Variants in KLHL28 observed in about 807,000 individuals in gnomAD.
The protein encoded by KLHL28 is kelch like family member 28, also known as kelch-like protein 28.
In KLHL28, 22 loss-of-function variants were observed where a neutral mutation model predicts 48.3. That is an observed-to-expected ratio of 0.46 (90% CI 0.33 to 0.65). The LOEUF is 0.65. Ranked by LOEUF, KLHL28 falls within the 30% of genes least tolerant of loss-of-function variation. The probability of loss-of-function intolerance (pLI) is 0.03; values close to 1 mark genes in which losing one functional copy is unlikely to be tolerated. For synonymous variants in KLHL28, 243 were observed against 242.4 expected, an observed-to-expected ratio of 1.00 and a Z score of -0.02; for missense variants, 527 against 704.3, an observed-to-expected ratio of 0.75 and a Z score of 2.85.
At chr14:44,929,765 G>A (rs1199374035) in intron 4 of KLHL28, among the ~76,000 whole-genome samples, 2 of 152,154 alleles carry the variant, frequency 1.3e-5, no homozygotes, top group Non-Finnish European at 2.9e-5. Flanking sequence ...GGTGAGCTAT[G>A]ACTGTTCCAC....
chr14:44,957,252 A>T (rs537798300), intron 1 of KLHL28, among the ~76,000 whole-genome samples: 35 of 152,362 alleles, frequency 2.3e-4, no homozygotes, highest in African/African-American at 7.9e-4. Flanking sequence ...GTGATAGGTA[A>T]ATAGATGTTC....
Position 44,945,409 on chromosome 14 carries a change from A to T in KLHL28, c.520T>A (p.Phe174Ile). 1 of 1,614,180 alleles carries T rather than the reference A, an allele frequency of 6.2e-7. No homozygotes were observed. The highest frequency in any genetic ancestry group is 8.5e-7 in the Non-Finnish European group (1 of 1,180,024). Residue 174 changes from phenylalanine to isoleucine, a missense_variant, in exon 2 of 5, where the codon TTT becomes ATT. By Grantham distance (21) the Phe-to-Ile change is conservative. Transcript: ENST00000396128. ...TCCAAGTCAGCATGTGTAAGCTCAA[A>T]AAACTCTTCAGTCTGGCAAACAGCT... ...FEAVCQTEEF[F>I]ELTHADLDEI...
chr14:44,957,191 T>C (rs1884827793), intron 1 of KLHL28, among the ~76,000 whole-genome samples: 1 of 152,046 alleles, frequency 6.6e-6, no homozygotes, highest in South Asian at 2.1e-4. Flanking sequence ...GGGGATGAGG[T>C]TGTGGAAGGG....
Position 44,945,202 on chromosome 14 carries a change from G to C in KLHL28, c.727C>G (p.Leu243Val), listed in dbSNP as rs1371705897. ...TTACAAGTGCGATCATCACGAATAAGATGATTTGCTTCATATAGTCTAGTG... is the reference window on the plus strand; with the variant it reads ...TTACAAGTGCGATCATCACGAATAACATGATTTGCTTCATATAGTCTAGTG... ...FLTRLYEANH[L>V]IRDDRTCKHL... Residue 243 changes from leucine to valine, a missense_variant, in exon 2 of 5, where the codon CTT becomes GTT. Leu to Val is a conservative substitution (Grantham distance 32). Coordinates refer to ENST00000396128, the MANE Select transcript of KLHL28 (RefSeq NM_017658.5). 1.2e-6 allele frequency: 2 copies of C among 1,614,144 alleles called. No homozygotes were observed. Among genetic ancestry groups the C allele is most frequent in the Non-Finnish European group, 1.7e-6 (2 of 1,180,018 alleles).
chr14:44,941,513 A>G (rs1884083395), intron 2 of KLHL28, among the ~76,000 whole-genome samples: 2 of 151,850 alleles, frequency 1.3e-5, no homozygotes, highest in Non-Finnish European at 1.5e-5. Context: ...CTGTAATCCC[A>G]GCTACTCGGG....
intron 1 of KLHL28, among the ~76,000 whole-genome samples, chr14:44,947,304 C>T (rs182280582): frequency 8.3e-4 from 126 of 152,254 alleles, no homozygotes; most frequent in Non-Finnish European, 1.4e-3. Context: ...CAGATTCTCC[C>T]GTAGAGCTTA....
In KLHL28 at chr14:44,935,890, G is replaced by GTATATATA. The variant is rs139707349; in HGVS notation, c.900-1340_900-1333dup. 4.9e-3 allele frequency among the ~76,000 whole-genome samples: 288 copies of GTATATATA among 59,130 alleles called. 30 individuals are homozygous for GTATATATA. The highest frequency in any genetic ancestry group is 0.04 in the East Asian group (79 of 1,974). 38.8% of individuals were successfully genotyped at this position (59,130 alleles called of 152,430 possible). The stretch of plus-strand genomic sequence containing the variant: ...TATGTGTATGTATATATATATGTGT[G>GTATATATA]TATATATATATATCTTTACCCTCCC... On this transcript the variant is annotated intron_variant, in intron 2 of 4. Transcript: ENST00000396128.
At chr14:44,950,559 A>C (rs2138649688) in intron 1 of KLHL28, among the ~76,000 whole-genome samples, 1 of 152,290 alleles carries the variant, frequency 6.6e-6, no homozygotes, top group Non-Finnish European at 1.5e-5. Context: ...ACAACACATA[A>C]ATATACACAC....
At position 44,958,212 on chromosome 14, in the gene KLHL28, T is replaced by G. The variant is rs569132734; in HGVS notation, c.-1+3634A>C. Among the ~76,000 whole-genome samples the G allele has an allele frequency of 1.2e-4, 19 of 152,130 alleles. 3 individuals carry two copies. Among genetic ancestry groups the G allele is most frequent in the African/African-American group, 3.9e-4 (16 of 41,534 alleles). Reference sequence around the variant, plus strand: ...TTTCCATAGTCTACAGTAACTTAACTTTAGGCTCTGAAACCAAGTTAATAA... The same window carrying G: ...TTTCCATAGTCTACAGTAACTTAACGTTAGGCTCTGAAACCAAGTTAATAA... On this transcript the variant is annotated intron_variant, in intron 1 of 4. Coordinates refer to ENST00000396128, the MANE Select transcript of KLHL28 (RefSeq NM_017658.5).
At chr14:44,935,861 T>C (rs1883788657) in intron 2 of KLHL28, among the ~76,000 whole-genome samples, 2 of 135,026 alleles carry the variant, frequency 1.5e-5, no homozygotes, top group African/African-American at 2.8e-5. Context: ...CATGTATGTA[T>C]GTGTATGTGT....
At position 44,928,696 on chromosome 14, in the gene KLHL28, A is replaced by T. The variant is rs1883460047; in HGVS notation, c.*332T>A. On this transcript the variant is annotated 3_prime_UTR_variant, in exon 5 of 5. Coordinates refer to ENST00000396128, the MANE Select transcript of KLHL28 (RefSeq NM_017658.5). ...AGGAGAGCTAAAATAAAAAAAAAAA[A>T]AAAAAAAAAGCAGCCACGTTTTGTC... The T allele has an allele frequency of 6.2e-6, 1 of 160,440 alleles. No homozygotes were observed. Among genetic ancestry groups the T allele is most frequent in the Non-Finnish European group, 1.4e-5 (1 of 73,842 alleles). The allele number at this position is 160,440 out of a possible 1,614,324, so 9.9% of individuals were successfully genotyped here.
intron 3 of KLHL28, among the ~76,000 whole-genome samples, chr14:44,932,250 T>TGGGG (rs201731863): frequency 1.3e-5 from 1 of 79,992 alleles, no homozygotes; most frequent in African/African-American, 5.7e-5. Context: ...AAGAGAGGGG[T>TGGGG]GGGGGGTGGG....
chr14:44,954,159 G>A (rs977795841), intron 1 of KLHL28, among the ~76,000 whole-genome samples: 1 of 152,106 alleles, frequency 6.6e-6, no homozygotes, highest in Non-Finnish European at 1.5e-5. Flanking sequence ...GTGAGAAACA[G>A]GAAATCTCAC....
At chr14:44,931,581 G>A in intron 3 of KLHL28, 40 bp from the exon 4 acceptor site, 3 of 1,498,586 alleles carry the variant, frequency 2.0e-6, no homozygotes, top group Non-Finnish European at 1.8e-6. Context: ...CAGATCTTTT[G>A]TGTCATTCTT....
chr14:44,937,049 A>C (rs1883854810), intron 2 of KLHL28, among the ~76,000 whole-genome samples: 1 of 149,494 alleles, frequency 6.7e-6, no homozygotes, highest in Non-Finnish European at 1.5e-5. Flanking sequence ...CTGGCATCTG[A>C]AGTAGGAACA....
At position 44,934,131 on chromosome 14, in the gene KLHL28, G is replaced by C; in HGVS notation, c.1327C>G (p.Pro443Ala). Residue 443 changes from proline (P) to alanine (A), a missense_variant, in exon 3 of 5, where the codon CCT (proline) becomes GCT (alanine). Transcript: ENST00000396128. The stretch of plus-strand genomic sequence containing the variant: ...GTTAAATACCTGTTCATGTGGGCAG[G>C]ACCATACCCACCAATGGCATATATC... ...GMIYAIGGYGPAHMNSVERYD... is the reference protein window; with the variant it reads ...GMIYAIGGYGAAHMNSVERYD... 1 of 1,613,058 alleles carries C rather than the reference G, an allele frequency of 6.2e-7. No homozygotes were observed. Among genetic ancestry groups the C allele is most frequent in the Non-Finnish European group, 8.5e-7 (1 of 1,179,320 alleles).
intron 3 of KLHL28, among the ~76,000 whole-genome samples, chr14:44,932,454 T>G (rs1883632341): frequency 6.6e-6 from 1 of 152,074 alleles, no homozygotes; most frequent in Non-Finnish European, 1.5e-5. Flanking sequence ...GAATCCAAAT[T>G]AAATCAGAAT....
rs576327585 is a variant in KLHL28, at chr14:44,942,295, ACT to A, written c.899+2733_899+2734del. 5.3e-3 allele frequency among the ~76,000 whole-genome samples: 801 copies of A among 152,216 alleles called. 4 individuals carry two copies. The highest frequency in any genetic ancestry group is 9.9e-3 in the Admixed American group (151 of 15,284). Reference sequence around the variant, plus strand: ...TTCAAACACCAAATCCTGTCAATTTACTCTGTTAAAACATTTTTTAAAATGAA... The same window carrying A: ...TTCAAACACCAAATCCTGTCAATTTACTGTTAAAACATTTTTTAAAATGAA... On this transcript the variant is annotated intron_variant, in intron 2 of 4. Transcript: ENST00000396128.
In KLHL28 at chr14:44,927,199, T is replaced by C. The variant is rs1404648527; in HGVS notation, c.*1829A>G. The C allele has an allele frequency of 6.6e-6, 1 of 152,626 alleles. No individual in the cohort carries two copies. Among genetic ancestry groups the C allele is most frequent in the Admixed American group, 6.5e-5 (1 of 15,280 alleles). The allele number at this position is 152,626 out of a possible 1,614,324, so 9.5% of individuals were successfully genotyped here. A position where few individuals can be genotyped will look rare whatever the true frequency, so the allele number is the denominator to read the frequency against. On this transcript the variant is annotated 3_prime_UTR_variant, in exon 5 of 5. Transcript: ENST00000396128. ...AATCTGTGCAAATATTCATAAAGCATGATACTACATTTATGATTAAAAATG... is the reference window on the plus strand; with the variant it reads ...AATCTGTGCAAATATTCATAAAGCACGATACTACATTTATGATTAAAAATG...
Sources: gnomAD v4.1 joint callset for allele counts (sites outside exome capture counted in the v4.1 genomes callset) on GRCh38, gnomAD v4.1.1 for gene constraint, MANE v1.5 for transcripts, NCBI Gene and HGNC (gene_info 2026-07-23, HGNC 2026-07-21) for gene names.